Variants in KLHL9 observed in about 807,000 individuals in gnomAD.
KLHL9 encodes the protein kelch-like protein 9.
In KLHL9, 27 loss-of-function variants were observed where a neutral mutation model predicts 42.3. The observed-to-expected ratio is 0.64, with a 90% CI of 0.47 to 0.88. The LOEUF (loss-of-function observed/expected upper bound fraction) is 0.88. Among genes scored for constraint, KLHL9 ranks in the 40% least tolerant of loss-of-function variants. The pLI, the probability that KLHL9 is intolerant of heterozygous loss-of-function variation, is 0.00. For missense variants in KLHL9, 629 were observed against 750.3 expected, an observed-to-expected ratio of 0.84 and a Z score of 1.89; for synonymous variants, 274 against 254.4, an observed-to-expected ratio of 1.08 and a Z score of -0.73.
In KLHL9 at chr9:21,329,678, A is replaced by G. The variant is rs2133024617; in HGVS notation, c.*3328T>C. On this transcript the variant is annotated 3_prime_UTR_variant, in exon 1 of 1. Coordinates refer to ENST00000359039, the MANE Select transcript of KLHL9 (RefSeq NM_018847.4). ...AAGTCATGATAATAGGAGTCTTTGGAAGGTGGATTTATTTTCATTATCCAG... is the reference window on the plus strand; with the variant it reads ...AAGTCATGATAATAGGAGTCTTTGGGAGGTGGATTTATTTTCATTATCCAG... 6.6e-6 allele frequency: 1 copy of G among 151,892 alleles called. No homozygotes were observed. The highest frequency in any genetic ancestry group is 2.1e-4 in the South Asian group (1 of 4,824). 9.4% of individuals were successfully genotyped at this position (151,892 alleles called of 1,614,324 possible). A position where few individuals can be genotyped will look rare whatever the true frequency, so the allele number is the denominator to read the frequency against.
In KLHL9 at chr9:21,333,903, C is replaced by T. The variant is rs762839952; in HGVS notation, c.957G>A (p.Met319Ile). 1 of 1,614,106 alleles carries T rather than the reference C, an allele frequency of 6.2e-7. No homozygotes were observed. The change falls in exon 1 of 1, where the codon ATG becomes ATA. Residue 319 changes from methionine to isoleucine, a missense_variant. Physicochemically the swap from Met to Ile is conservative, Grantham distance 10. Transcript: ENST00000359039. This position sits in a 1 kb window ranked among gnomAD's most constrained non-coding sequence, Gnocchi z 7.5. The part of the protein sequence containing the change: ...QQLVVSKELR[M>I]YDERAQEWRS... ...TCCATTCTTGTGCCCTTTCATCATACATCCGTAATTCTTTACTGACAACCA... is the reference window on the plus strand; with the variant it reads ...TCCATTCTTGTGCCCTTTCATCATATATCCGTAATTCTTTACTGACAACCA...
Position 21,335,393 on chromosome 9 carries a change from T to A in KLHL9, c.-534A>T, listed in dbSNP as rs1156667041. On this transcript the variant is annotated 5_prime_UTR_variant, in exon 1 of 1. Transcript: ENST00000359039. ...AGCCGCTCCTTCCGGAAAAGCCTAGTCCCAGGATACCACGGGGTGGGAGCG... is the reference window on the plus strand; with the variant it reads ...AGCCGCTCCTTCCGGAAAAGCCTAGACCCAGGATACCACGGGGTGGGAGCG... 5 of 295,452 alleles carry A rather than the reference T, an allele frequency of 1.7e-5. No individual in the cohort carries two copies. Among genetic ancestry groups the A allele is most frequent in the Admixed American group, 5.4e-5 (1 of 18,434 alleles). 18.3% of individuals were successfully genotyped at this position (295,452 alleles called of 1,614,324 possible).
Position 21,333,933 on chromosome 9 carries a change from C to T in KLHL9, c.927G>A (p.Gln309=), listed in dbSNP as rs767797835. 6.3e-5 allele frequency: 102 copies of T among 1,614,090 alleles called. No individual in the cohort carries two copies. The highest frequency in any genetic ancestry group is 1.3e-4 in the Admixed American group (8 of 60,014). Reference sequence around the variant, plus strand: ...GTAATTCTTTACTGACAACCAGCTGCTGCCTCAAAACTCCTCCTAATGTAA... The same window carrying T: ...GTAATTCTTTACTGACAACCAGCTGTTGCCTCAAAACTCCTCCTAATGTAA... The part of the protein sequence containing the change: ...HLVTLGGVLR[Q]QLVVSKELRM... The change falls in exon 1 of 1, where the codon CAG becomes CAA. Residue 309 remains glutamine, a synonymous_variant. Transcript: ENST00000359039. This position sits in a 1 kb window ranked among gnomAD's most constrained non-coding sequence, Gnocchi z 7.5.
chr9:21,332,913 T>G lies in KLHL9; in HGVS notation c.*93A>C. On this transcript the variant is annotated 3_prime_UTR_variant, in exon 1 of 1. Transcript: ENST00000359039. ...ACGAATAACATCAGTTACCTTTATA[T>G]CTAATAACTGTACCAATCACTGTAA... The G allele has an allele frequency of 1.3e-6, 2 of 1,563,708 alleles. No homozygotes were observed. The highest frequency in any genetic ancestry group is 2.4e-5 in the South Asian group (2 of 84,616).
At position 21,334,147 on chromosome 9, in the gene KLHL9, T is replaced by C. The variant is rs764601771; in HGVS notation, c.713A>G (p.Lys238Arg). The C allele has an allele frequency of 6.2e-7, 1 of 1,614,222 alleles. No individual in the cohort carries two copies. Among genetic ancestry groups the C allele is most frequent in the Non-Finnish European group, 8.5e-7 (1 of 1,180,040 alleles). Residue 238 changes from lysine to arginine, a missense_variant, in exon 1 of 1, where the codon AAG becomes AGG. Lys to Arg is a conservative substitution (Grantham distance 26). Around this residue, in one of 4 missense-constraint regions of KLHL9, gnomAD observed 351 missense variants for 363.1 expected, o/e 0.97. Coordinates refer to ENST00000359039, the MANE Select transcript of KLHL9 (RefSeq NM_018847.4). This position sits in a 1 kb window ranked among gnomAD's most constrained non-coding sequence, Gnocchi z 5.1. ...PRMDYAAKLM[K>R]NIRFPLMTPQ... Reference sequence around the variant, plus strand: ...TGTCATCAGTGGAAATCGAATATTCTTCATTAACTTTGCAGCATAATCCAT... The same window carrying C: ...TGTCATCAGTGGAAATCGAATATTCCTCATTAACTTTGCAGCATAATCCAT...
rs1820192483 is a variant in KLHL9 at position 21,332,591 on chromosome 9, G to A, written c.*415C>T. ...CACAATCGAGTAAGTTGACAGACAT[G>A]ACAAAAACTACGAAAAGAGGGAGGT... On this transcript the variant is annotated 3_prime_UTR_variant, in exon 1 of 1. Coordinates refer to ENST00000359039, the MANE Select transcript of KLHL9 (RefSeq NM_018847.4). 2 of 170,324 alleles carry A rather than the reference G, an allele frequency of 1.2e-5. No homozygotes were observed. Among genetic ancestry groups the A allele is most frequent in the Non-Finnish European group, 2.5e-5 (2 of 78,508 alleles). The allele number at this position is 170,324 out of a possible 1,614,324, so 10.6% of individuals were successfully genotyped here. A position where few individuals can be genotyped will look rare whatever the true frequency, so the allele number is the denominator to read the frequency against.
Position 21,335,147 on chromosome 9 carries a change from T to C in KLHL9, c.-288A>G, listed in dbSNP as rs1820247913. 1 of 531,058 alleles carries C rather than the reference T, an allele frequency of 1.9e-6. No individual in the cohort carries two copies. The highest frequency in any genetic ancestry group is 3.4e-6 in the Non-Finnish European group (1 of 295,364). The allele number at this position is 531,058 out of a possible 1,614,324, so 32.9% of individuals were successfully genotyped here. Reference sequence around the variant, plus strand: ...CACCTCGTCCGGCCTGCGCTGCCGCTCCTTCAGCAGTTCCGCTTCGGGCAA... The same window carrying C: ...CACCTCGTCCGGCCTGCGCTGCCGCCCCTTCAGCAGTTCCGCTTCGGGCAA... On this transcript the variant is annotated 5_prime_UTR_variant, in exon 1 of 1. Transcript: ENST00000359039.
At position 21,332,921 on chromosome 9, in the gene KLHL9, C is replaced by G; in HGVS notation, c.*85G>C. ...CATCAGTTACCTTTATATCTAATAA[C>G]TGTACCAATCACTGTAAGAAGATAC... On this transcript the variant is annotated 3_prime_UTR_variant, in exon 1 of 1. Coordinates refer to ENST00000359039, the MANE Select transcript of KLHL9 (RefSeq NM_018847.4). The G allele has an allele frequency of 6.3e-7, 1 of 1,586,150 alleles. No homozygotes were observed. Among genetic ancestry groups the G allele is most frequent in the Non-Finnish European group, 8.6e-7 (1 of 1,163,206 alleles).
At position 21,334,223 on chromosome 9, in the gene KLHL9, G is replaced by T; in HGVS notation, c.637C>A (p.Leu213Ile). The change falls in exon 1 of 1, where the codon CTT becomes ATT. Residue 213 changes from leucine to isoleucine, a missense_variant. Leu to Ile is a conservative substitution (Grantham distance 5). Coordinates refer to ENST00000359039, the MANE Select transcript of KLHL9 (RefSeq NM_018847.4). This position sits in a 1 kb window ranked among gnomAD's most constrained non-coding sequence, Gnocchi z 5.1. Reference sequence around the variant, plus strand: ...CGACAGGCTGCCTTAAAGAGTTCAAGTTCGGTACAGTGCTTAAGACTATTA... The same window carrying T: ...CGACAGGCTGCCTTAAAGAGTTCAATTTCGGTACAGTGCTTAAGACTATTA... ...SSNSLKHCTE[L>I]ELFKAACRWL... 1 of 1,614,182 alleles carries T rather than the reference G, an allele frequency of 6.2e-7. No homozygotes were observed. The highest frequency in any genetic ancestry group is 8.5e-7 in the Non-Finnish European group (1 of 1,180,038).
At position 21,334,729 on chromosome 9, in the gene KLHL9, C is replaced by T. The variant is rs762044090; in HGVS notation, c.131G>A (p.Arg44Lys). 1 of 1,613,242 alleles carries T rather than the reference C, an allele frequency of 6.2e-7. No homozygotes were observed. Among genetic ancestry groups the T allele is most frequent in the Non-Finnish European group, 8.5e-7 (1 of 1,179,410 alleles). Residue 44 changes from arginine to lysine, a missense_variant, in exon 1 of 1, where the codon AGA becomes AAA. Physicochemically the swap from Arg to Lys is conservative, Grantham distance 26. Around this residue, in one of 4 missense-constraint regions of KLHL9, gnomAD observed 351 missense variants for 363.1 expected, o/e 0.97. Transcript: ENST00000359039. This position sits in a 1 kb window ranked among gnomAD's most constrained non-coding sequence, Gnocchi z 5.1. ...SVVLQGFDQL[R>K]IEGLLCDVTL... ...CACATCACAAAGCAATCCTTCTATT[C>T]TAAGCTGATCAAAGCCTTGCAATAC...
At position 21,334,423 on chromosome 9, in the gene KLHL9, A is replaced by G. The variant is rs553210333; in HGVS notation, c.437T>C (p.Ile146Thr). Residue 146 changes from isoleucine (I) to threonine (T), a missense_variant, in exon 1 of 1, where the codon ATA (isoleucine) becomes ACA (threonine). Physicochemically the swap from Ile to Thr is moderately conservative, Grantham distance 89. Transcript: ENST00000359039. This position sits in a 1 kb window ranked among gnomAD's most constrained non-coding sequence, Gnocchi z 5.1. ...PVLDFCKVFL[I>T]SGVSLDNCVE... The stretch of plus-strand genomic sequence containing the variant: ...ACAGTTATCCAAAGAGACTCCTGAT[A>G]TAAGAAATACTTTACAGAAATCCAA... 3 of 1,614,082 alleles carry G rather than the reference A, an allele frequency of 1.9e-6. No homozygotes were observed. Among genetic ancestry groups the G allele is most frequent in the Non-Finnish European group, 2.5e-6 (3 of 1,179,994 alleles).
At position 21,332,732 on chromosome 9, in the gene KLHL9, C is replaced by T. The variant is rs1394305881; in HGVS notation, c.*274G>A. On this transcript the variant is annotated 3_prime_UTR_variant, in exon 1 of 1. Transcript: ENST00000359039. ...TTGAAGCATAATGGACATAATTACA[C>T]ATTTACCACAGTCATCTACAATTTT... 3 of 412,406 alleles carry T rather than the reference C, an allele frequency of 7.3e-6. No individual in the cohort carries two copies. In the East Asian group the frequency reaches 1.3e-4, roughly 18 times the overall value. The allele number at this position is 412,406 out of a possible 1,614,324, so 25.5% of individuals were successfully genotyped here.
In KLHL9 at chr9:21,334,314, A is replaced by G; in HGVS notation, c.546T>C (p.Pro182=). 6.2e-7 allele frequency: 1 copy of G among 1,614,092 alleles called. No homozygotes were observed. The highest frequency in any genetic ancestry group is 8.5e-7 in the Non-Finnish European group (1 of 1,179,956). Residue 182 remains proline (P), a synonymous_variant, in exon 1 of 1, where the codon CCT becomes CCC. Coordinates refer to ENST00000359039, the MANE Select transcript of KLHL9 (RefSeq NM_018847.4). This position sits in a 1 kb window ranked among gnomAD's most constrained non-coding sequence, Gnocchi z 5.1. ...GAAACTCCCCAGTACTCAATAAAGCAGGAAAGTTCTTCAGGATGAAATTAT... is the reference window on the plus strand; with the variant it reads ...GAAACTCCCCAGTACTCAATAAAGCGGGAAAGTTCTTCAGGATGAAATTAT... ...YVNNFILKNF[P]ALLSTGEFLK...
Position 21,332,919 on chromosome 9 carries a change from A to G in KLHL9, c.*87T>C. 6.3e-7 allele frequency: 1 copy of G among 1,583,796 alleles called. No individual in the cohort carries two copies. Among genetic ancestry groups the G allele is most frequent in the African/African-American group, 1.3e-5 (1 of 74,404 alleles). ...AACATCAGTTACCTTTATATCTAAT[A>G]ACTGTACCAATCACTGTAAGAAGAT... is the stretch of plus-strand genomic sequence containing the variant. On this transcript the variant is annotated 3_prime_UTR_variant, in exon 1 of 1. Coordinates refer to ENST00000359039, the MANE Select transcript of KLHL9 (RefSeq NM_018847.4).
rs930028102 is a variant in KLHL9 at position 21,334,845 on chromosome 9, A to G, written c.15T>C (p.Leu5=). Residue 5 remains leucine, a synonymous_variant, in exon 1 of 1, where the codon CTT becomes CTC. Coordinates refer to ENST00000359039, the MANE Select transcript of KLHL9 (RefSeq NM_018847.4). This position sits in a 1 kb window ranked among gnomAD's most constrained non-coding sequence, Gnocchi z 5.1. MKVS[L]GNGEMGVSAH... ...CAGAGACGCCCATTTCGCCGTTACC[A>G]AGGGACACTTTCATGTGAAAGCTTT... 1 of 1,614,046 alleles carries G rather than the reference A, an allele frequency of 6.2e-7. No homozygotes were observed. Among genetic ancestry groups the G allele is most frequent in the African/African-American group, 1.3e-5 (1 of 74,920 alleles).
Position 21,334,880 on chromosome 9 carries a change from C to G in KLHL9, c.-21G>C. 1 of 1,613,958 alleles carries G rather than the reference C, an allele frequency of 6.2e-7. No homozygotes were observed. Among genetic ancestry groups the G allele is most frequent in the Non-Finnish European group, 8.5e-7 (1 of 1,179,980 alleles). Reference sequence around the variant, plus strand: ...TTCATGTGAAAGCTTTCCTCTTGCACAGAGATGCAAGCCGGATAAAGAAGT... The same window carrying G: ...TTCATGTGAAAGCTTTCCTCTTGCAGAGAGATGCAAGCCGGATAAAGAAGT... On this transcript the variant is annotated 5_prime_UTR_variant, in exon 1 of 1. Transcript: ENST00000359039. This position sits in a 1 kb window ranked among gnomAD's most constrained non-coding sequence, Gnocchi z 5.1.
rs1460504347 is a variant in KLHL9 at position 21,333,737 on chromosome 9, G to A, written c.1123C>T (p.Arg375Trp). 16 of 1,614,106 alleles carry A rather than the reference G, an allele frequency of 9.9e-6. No homozygotes were observed. The highest frequency in any genetic ancestry group is 1.4e-5 in the Non-Finnish European group (16 of 1,180,012). The change falls in exon 1 of 1, where the codon CGG becomes TGG. Residue 375 changes from arginine (R) to tryptophan (W), a missense_variant. Physicochemically the swap from Arg to Trp is moderately radical, Grantham distance 101 (BLOSUM62 -3). Transcript: ENST00000359039. The surrounding 1 kb of genome is among the most constrained non-coding windows in gnomAD (Gnocchi z 7.5). The stretch of plus-strand genomic sequence containing the variant: ...GCAACCTGCATCCATTTATTATACC[G>A]AGGATCAAATCTGAAAACTGTATCA... Reference protein sequence around the residue: ...AVDTVFRFDPRYNKWMQVASL... With the variant: ...AVDTVFRFDPWYNKWMQVASL...
At position 21,330,575 on chromosome 9, in the gene KLHL9, T is replaced by C. The variant is rs1028228818; in HGVS notation, c.*2431A>G. The C allele has an allele frequency of 6.6e-6, 1 of 152,104 alleles. No individual in the cohort carries two copies. Among genetic ancestry groups the C allele is most frequent in the Non-Finnish European group, 1.5e-5 (1 of 68,030 alleles). 9.4% of individuals were successfully genotyped at this position (152,104 alleles called of 1,614,324 possible). A position where few individuals can be genotyped will look rare whatever the true frequency, so the allele number is the denominator to read the frequency against. ...TAGAGCAGTTTACCTAGTAAAGCAATACTTATTTCAATAGGAAGCACCAGG... is the reference window on the plus strand; with the variant it reads ...TAGAGCAGTTTACCTAGTAAAGCAACACTTATTTCAATAGGAAGCACCAGG... On this transcript the variant is annotated 3_prime_UTR_variant, in exon 1 of 1. Transcript: ENST00000359039.
Position 21,335,352 on chromosome 9 carries a change from C to G in KLHL9, c.-493G>C. On this transcript the variant is annotated 5_prime_UTR_variant, in exon 1 of 1. Coordinates refer to ENST00000359039, the MANE Select transcript of KLHL9 (RefSeq NM_018847.4). ...CCTGGGCTTGGGCCTAGAATACCGG[C>G]CTAGCCCCAACACCGAGCCGCTCCT... 1 of 419,742 alleles carries G rather than the reference C, an allele frequency of 2.4e-6. No individual in the cohort carries two copies. The allele number at this position is 419,742 out of a possible 1,614,324, so 26.0% of individuals were successfully genotyped here.
Sources: gnomAD v4.1 joint callset for allele counts on GRCh38, gnomAD v4.1.1 for gene constraint, gnomAD v4.1.1 regional missense constraint, Gnocchi (gnomAD v3.1) non-coding constraint, MANE v1.5 for transcripts, NCBI Gene and HGNC (gene_info 2026-07-23, HGNC 2026-07-21) for gene names.